The following SORCS1 variants were observed in gnomAD, a reference collection of about 807,000 sequenced individuals.
SORCS1 encodes the protein sortilin related VPS10 domain containing receptor 1.
SORCS1 carries 60 observed loss-of-function variants against 146.1 expected under a neutral mutation model. That is an observed-to-expected ratio of 0.41 (90% CI 0.33 to 0.51). The LOEUF (loss-of-function observed/expected upper bound fraction) is 0.51. Among genes scored for constraint, SORCS1 ranks in the 20% least tolerant of loss-of-function variants. The pLI is 0.21. For missense variants in SORCS1, 1,352 were observed against 1,487.6 expected (o/e 0.91, Z 1.50); for synonymous variants, 637 against 584.0 (o/e 1.09, Z -1.31).
At chr10:106,608,856 G>A (rs1846783258) in intron 22 of SORCS1, among the ~76,000 whole-genome samples, 1 of 152,206 alleles carries the variant, frequency 6.6e-6, no homozygotes, top group South Asian at 2.1e-4. Context: ...ACCCCGAGGG[G>A]AGACAGAATG....
At chr10:106,692,705 C>T (rs933450807) in intron 9 of SORCS1, among the ~76,000 whole-genome samples, 4 of 152,084 alleles carry the variant, frequency 2.6e-5, no homozygotes, top group Non-Finnish European at 4.4e-5. Context: ...GGTTGAACAT[C>T]CCTAATCCAG....
At chr10:106,642,960 G>A (rs1781463195) in intron 18 of SORCS1, among the ~76,000 whole-genome samples, 1 of 152,126 alleles carries the variant, frequency 6.6e-6, no homozygotes. Context: ...TGATGATTTG[G>A]CCTTTTCTTT....
At chr10:106,629,058 T>G in intron 19 of SORCS1, 144 bp downstream of exon 19, 1 of 668,722 alleles carries the variant, frequency 1.5e-6, no homozygotes, top group Admixed American at 2.9e-5. Context: ...CTTTCCTTAT[T>G]TTGGTCTCTT....
chr10:107,105,723 C>T (rs1590149911), intron 1 of SORCS1, among the ~76,000 whole-genome samples: 1 of 149,638 alleles, frequency 6.7e-6, no homozygotes, highest in South Asian at 2.1e-4. Flanking sequence ...TGATGCCCAC[C>T]CAGATTGAGG....
At chr10:106,581,868 C>T (rs1844939128) in intron 24 of SORCS1, among the ~76,000 whole-genome samples, 1 of 151,974 alleles carries the variant, frequency 6.6e-6, no homozygotes, top group Non-Finnish European at 1.5e-5. Flanking sequence ...TAATGCAAAC[C>T]CTTAATTTGT....
chr10:106,804,364 AAAAT>A (rs1462331285), intron 3 of SORCS1, among the ~76,000 whole-genome samples: 5 of 132,648 alleles, frequency 3.8e-5, no homozygotes, highest in Admixed American at 7.5e-5. Context: ...AAAATAAAAT[AAAAT>A]AAAATAAAAT....
chr10:106,939,234 C>A (rs1232017545), intron 2 of SORCS1, among the ~76,000 whole-genome samples: 1 of 152,226 alleles, frequency 6.6e-6, no homozygotes, highest in Non-Finnish European at 1.5e-5. Flanking sequence ...TATTCATCAA[C>A]CTGCAGGCAT....
chr10:106,852,627 CAAAAAAAAAAAA>C (rs370300215), intron 2 of SORCS1, among the ~76,000 whole-genome samples: 1 of 85,022 alleles, frequency 1.2e-5, no homozygotes, highest in Non-Finnish European at 2.3e-5. Context: ...GACCCTGTCT[CAAAAAAAAAAAA>C]AAAAAAAAGA....
chr10:106,691,530 G>C (rs767981084), intron 9 of SORCS1, among the ~76,000 whole-genome samples: 1 of 152,272 alleles, frequency 6.6e-6, no homozygotes, highest in African/African-American at 2.4e-5. Flanking sequence ...TAAATATGAA[G>C]TGTTATAGCT....
intron 3 of SORCS1, among the ~76,000 whole-genome samples, chr10:106,803,267 A>G (rs981370215): frequency 6.6e-6 from 1 of 152,356 alleles, no homozygotes; most frequent in Non-Finnish European, 1.5e-5. Flanking sequence ...AAACAGATTT[A>G]TGGTAACAAA....
At chr10:106,732,359 T>A (rs1856659573) in intron 5 of SORCS1, among the ~76,000 whole-genome samples, 1 of 152,172 alleles carries the variant, frequency 6.6e-6, no homozygotes, top group African/African-American at 2.4e-5. Flanking sequence ...CAGCGACTAC[T>A]AGGCTTTGGG....
At position 107,086,885 on chromosome 10, in the gene SORCS1, C is replaced by T. The variant is rs183792584; in HGVS notation, c.558+77084G>A. ...TCTAGTAAAAATACAAACAATTAGC[C>T]GGGAATGGTGGTGGGCACCTGTAGT... On this transcript the variant is annotated intron_variant, in intron 1 of 25. Transcript: ENST00000263054. Among the ~76,000 whole-genome samples the T allele has an allele frequency of 9.2e-3, 1,404 of 152,258 alleles. 17 individuals carry two copies. Among genetic ancestry groups the T allele is most frequent in the Non-Finnish European group, 0.01 (693 of 68,028 alleles).
chr10:106,745,641 G>T (rs1857677771), intron 5 of SORCS1, among the ~76,000 whole-genome samples: 1 of 152,086 alleles, frequency 6.6e-6, no homozygotes, highest in Admixed American at 6.6e-5. Flanking sequence ...TACTTATCCT[G>T]CCAGGAGTTA....
chr10:106,609,897 G>A (rs367770251), intron 22 of SORCS1, among the ~76,000 whole-genome samples: 3 of 152,322 alleles, frequency 2.0e-5, no homozygotes, highest in South Asian at 4.1e-4. Context: ...TGGACAGATA[G>A]AGGACCTATG....
At chr10:106,848,774 A>T in intron 2 of SORCS1, among the ~76,000 whole-genome samples, 1 of 144,030 alleles carries the variant, frequency 6.9e-6, no homozygotes, top group Non-Finnish European at 1.5e-5. Context: ...CTTTTAGGGC[A>T]GGCCTGGTGG....
chr10:107,164,680 G>A lies in SORCS1; in HGVS notation c.-154C>T, dbSNP rs1369112750. 1.6e-5 allele frequency: 9 copies of A among 550,446 alleles called. No homozygotes were observed. Among genetic ancestry groups the A allele is most frequent in the African/African-American group, 2.0e-5 (1 of 50,628 alleles). 34.1% of individuals were successfully genotyped at this position (550,446 alleles called of 1,614,324 possible). On this transcript the variant is annotated 5_prime_UTR_variant, in exon 1 of 26. Coordinates refer to ENST00000263054, the MANE Select transcript of SORCS1 (RefSeq NM_052918.5). This position sits in a 1 kb window ranked among gnomAD's most constrained non-coding sequence, Gnocchi z 6.8. ...GGGCGGAGGCGGCGCCGGGCAGGTGGCGGCCGCTTGCCCGGGCTGGGCTTG... is the reference window on the plus strand; with the variant it reads ...GGGCGGAGGCGGCGCCGGGCAGGTGACGGCCGCTTGCCCGGGCTGGGCTTG...
intron 3 of SORCS1, among the ~76,000 whole-genome samples, chr10:106,816,469 T>A (rs1947746518): frequency 6.6e-6 from 1 of 152,196 alleles, no homozygotes; most frequent in Non-Finnish European, 1.5e-5. Context: ...TCTGTCAGCT[T>A]GCCATAGAGC....
chr10:106,707,462 A>G (rs1854615785), intron 7 of SORCS1, among the ~76,000 whole-genome samples: 1 of 152,084 alleles, frequency 6.6e-6, no homozygotes. Flanking sequence ...CGGCCTCCCA[A>G]AATGCTGGGA....
chr10:106,798,745 CA>C (rs1226875487), intron 3 of SORCS1, among the ~76,000 whole-genome samples: 2 of 152,168 alleles, frequency 1.3e-5, no homozygotes, highest in African/African-American at 4.8e-5. Context: ...CCGCAATAAA[CA>C]TACGTATGCA....
Sources: allele counts gnomAD v4.1 joint callset (sites outside exome capture counted in the v4.1 genomes callset), GRCh38; gene constraint gnomAD v4.1.1; non-coding constraint Gnocchi (gnomAD v3.1); transcripts MANE v1.5; gene names NCBI Gene and HGNC (gene_info 2026-07-23, HGNC 2026-07-21).